Variants in C8orf34 observed in about 807,000 individuals in gnomAD.
C8orf34 encodes the protein chromosome 8 open reading frame 34.
In C8orf34, 65 loss-of-function variants were observed where a neutral mutation model predicts 68.3. That is an observed-to-expected ratio of 0.95 (90% confidence interval 0.78 to 1.17). C8orf34 has a LOEUF of 1.17. Among genes scored for constraint, C8orf34 ranks in the 50% most tolerant of loss-of-function variants. The pLI is 0.00. For missense variants in C8orf34, 664 were observed against 655.4 expected (o/e 1.01, Z -0.14); for synonymous variants, 244 against 241.2 (o/e 1.01, Z -0.11).
chr8:68,369,383 T>C (rs983240932), intron 1 of C8orf34, among the ~76,000 whole-genome samples: 7 of 152,238 alleles, frequency 4.6e-5, no homozygotes, highest in African/African-American at 1.7e-4. Flanking sequence ...AATGCTGTAA[T>C]AGTCCACCTC....
At chr8:68,446,590 C>A in intron 3 of C8orf34, 130 bp downstream of exon 3, 1 of 895,502 alleles carries the variant, frequency 1.1e-6, no homozygotes, top group Non-Finnish European at 1.7e-6. Flanking sequence ...TAGTGAATTT[C>A]ACTTTTACTC....
chr8:68,715,424 A>C (rs936171643), intron 9 of C8orf34, among the ~76,000 whole-genome samples: 4 of 152,130 alleles, frequency 2.6e-5, no homozygotes, highest in African/African-American at 9.7e-5. Flanking sequence ...TCAAATCAGC[A>C]AGAAAAAAAC....
intron 11 of C8orf34, among the ~76,000 whole-genome samples, chr8:68,783,315 C>A (rs895326038): frequency 1.3e-5 from 2 of 151,802 alleles, no homozygotes; most frequent in Non-Finnish European, 2.9e-5. Context: ...GTCAGGAGAT[C>A]GAGACCAGCC....
chr8:68,333,946 A>G (rs1805739939), intron 1 of C8orf34, among the ~76,000 whole-genome samples: 2 of 152,196 alleles, frequency 1.3e-5, no homozygotes, highest in Admixed American at 1.3e-4. Context: ...TAAGTTAGGA[A>G]TGTTTTAAGA....
rs1030992886 is a variant in C8orf34, at chr8:68,526,605, A to G, written c.938+4634A>G. Among the ~76,000 whole-genome samples the G allele has an allele frequency of 9.9e-5, 15 of 152,080 alleles. No homozygotes were observed. In the East Asian group the frequency reaches 2.5e-3, roughly 25 times the overall value. On this transcript the variant is annotated intron_variant, in intron 6 of 13. Coordinates refer to ENST00000518698, the MANE Select transcript of C8orf34 (RefSeq NM_052958.4). The stretch of plus-strand genomic sequence containing the variant: ...TTACGCATAAAAATCTATATGCAAC[A>G]ATTGAGTGTGAAACTTTTCATGACC...
At chr8:68,694,381 T>C (rs1371693366) in intron 8 of C8orf34, among the ~76,000 whole-genome samples, 1 of 152,118 alleles carries the variant, frequency 6.6e-6, no homozygotes, top group African/African-American at 2.4e-5. Flanking sequence ...CTTCTATAGA[T>C]AAAATAATCA....
chr8:68,602,509 C>T (rs1817728941), intron 7 of C8orf34, among the ~76,000 whole-genome samples: 2 of 152,096 alleles, frequency 1.3e-5, no homozygotes, highest in South Asian at 4.2e-4. Context: ...TGAGAACTTA[C>T]TCACCATCAC....
At chr8:68,450,533 T>G (rs1290836642) in intron 3 of C8orf34, among the ~76,000 whole-genome samples, 2 of 152,134 alleles carry the variant, frequency 1.3e-5, no homozygotes, top group African/African-American at 2.4e-5. Context: ...TCCAGATAAC[T>G]TCTTGATTCA....
At chr8:68,708,402 T>C (rs992987968) in intron 8 of C8orf34, among the ~76,000 whole-genome samples, 1 of 152,340 alleles carries the variant, frequency 6.6e-6, no homozygotes, top group African/African-American at 2.4e-5. Context: ...TATATAACAG[T>C]ATAACATTTG....
At chr8:68,464,996 C>G (rs1247758855) in intron 3 of C8orf34, among the ~76,000 whole-genome samples, 1 of 150,596 alleles carries the variant, frequency 6.6e-6, no homozygotes, top group Non-Finnish European at 1.5e-5. Context: ...AAGAAACTAC[C>G]ATCAGAGTGA....
chr8:68,687,249 T>C (rs1467559051), intron 8 of C8orf34, among the ~76,000 whole-genome samples: 1 of 151,974 alleles, frequency 6.6e-6, no homozygotes, highest in Admixed American at 6.6e-5. Context: ...TTCATAGAAC[T>C]AGAATAAAAA....
At chr8:68,790,762 T>G in intron 12 of C8orf34, 1 of 612,790 alleles carries the variant, frequency 1.6e-6, no homozygotes, top group South Asian at 2.0e-5. Context: ...TTCCAAATAT[T>G]TGAATCTACT....
intron 4 of C8orf34, among the ~76,000 whole-genome samples, chr8:68,469,872 TTATA>T (rs34205013): frequency 3.3e-5 from 5 of 150,252 alleles, no homozygotes; most frequent in Admixed American, 6.6e-5. Flanking sequence ...TGAAAGAAGT[TTATA>T]TATATATATA....
At chr8:68,786,775 C>T (rs1823857666) in intron 11 of C8orf34, among the ~76,000 whole-genome samples, 1 of 152,110 alleles carries the variant, frequency 6.6e-6, no homozygotes, top group African/African-American at 2.4e-5. Context: ...TTATAAGCAA[C>T]ATAGTGATTA....
At position 68,818,099 on chromosome 8, in the gene C8orf34, G is replaced by A. The variant is rs1824874864; in HGVS notation, c.1610-140G>A. 2.3e-5 allele frequency: 16 copies of A among 705,950 alleles called. 1 individual carries two copies. The South Asian group carries it at 3.0e-4, about 13-fold the overall frequency. The allele number at this position is 705,950 out of a possible 1,614,324, so 43.7% of individuals were successfully genotyped here. On this transcript the variant is annotated intron_variant, in intron 13 of 13. Coordinates refer to ENST00000518698, the MANE Select transcript of C8orf34 (RefSeq NM_052958.4). Reference sequence around the variant, plus strand: ...TTGGCTGCAAATATGATTAATAGAGGTAGTATTCTAATGTCAATATCCTTT... The same window carrying A: ...TTGGCTGCAAATATGATTAATAGAGATAGTATTCTAATGTCAATATCCTTT...
chr8:68,639,771 C>T (rs572270260), intron 7 of C8orf34, among the ~76,000 whole-genome samples: 3 of 152,190 alleles, frequency 2.0e-5, no homozygotes, highest in East Asian at 3.9e-4. Context: ...TAGAAGTGGG[C>T]TTCAGTAAAC....
At chr8:68,645,010 CAG>C (rs1218992552) in intron 8 of C8orf34, among the ~76,000 whole-genome samples, 4 of 152,146 alleles carry the variant, frequency 2.6e-5, no homozygotes, top group Non-Finnish European at 5.9e-5. Flanking sequence ...GGATTGGAGA[CAG>C]TGTGGTGCAG....
chr8:68,662,929 C>T (rs577932041), intron 8 of C8orf34, among the ~76,000 whole-genome samples: 1 of 152,244 alleles, frequency 6.6e-6, no homozygotes, highest in East Asian at 1.9e-4. Flanking sequence ...GCCTCTTTGG[C>T]ATAGAGATTA....
chr8:68,349,284 T>C (rs965622418), intron 1 of C8orf34, among the ~76,000 whole-genome samples: 9 of 152,120 alleles, frequency 5.9e-5, no homozygotes, highest in Non-Finnish European at 1.2e-4. Flanking sequence ...CATTTATTGA[T>C]TTGCATATGT....
Sources: gnomAD v4.1 joint callset for allele counts (sites outside exome capture counted in the v4.1 genomes callset) on GRCh38, gnomAD v4.1.1 for gene constraint, MANE v1.5 for transcripts, NCBI Gene and HGNC (gene_info 2026-07-23, HGNC 2026-07-21) for gene names.